The following PATL2 variants were observed in gnomAD, a reference collection of about 807,000 sequenced individuals.
PATL2 encodes protein PAT1 homolog 2.
PATL2 carries 73 observed loss-of-function variants against 77.0 expected under a neutral mutation model. The observed-to-expected ratio is 0.95, with a 90% CI of 0.78 to 1.15. The LOEUF is 1.15. Ranked by LOEUF, PATL2 falls within the 50% of genes most tolerant of loss-of-function variation. The pLI, the probability that PATL2 is intolerant of heterozygous loss-of-function variation, is 0.00. For synonymous variants in PATL2, 265 were observed against 257.1 expected (o/e 1.03, Z -0.29); for missense variants, 618 against 655.4 (o/e 0.94, Z 0.62).
intron 3 of PATL2, among the ~76,000 whole-genome samples, chr15:44,680,741 C>T (rs941758327): frequency 1.3e-4 from 20 of 152,326 alleles, no homozygotes; most frequent in African/African-American, 4.8e-4. Flanking sequence ...TCCATTTCCT[C>T]ACATCATTCC....
rs2085785950 is a variant in PATL2 at position 44,673,345 on chromosome 15, C to T, written c.336G>A (p.Trp112Ter). 2 of 1,551,576 alleles carry T rather than the reference C, an allele frequency of 1.3e-6. No individual in the cohort carries two copies. The highest frequency in any genetic ancestry group is 1.7e-6 in the Non-Finnish European group (2 of 1,146,942). Reference protein sequence around the residue: ...TLDYLSPIPFWPTFPSTSSPA... With the variant: ...TLDYLSPIPF ...GAGAGCTGGTGCTGGGAAATGTAGG[C>T]CAGAAAGGGATGGGCGACAGGTAGT... Residue 112 changes from tryptophan (W) to a stop codon, truncating the protein, a stop_gained, in exon 7 of 18, where the codon TGG (tryptophan) becomes TGA (stop). Transcript: ENST00000682850. LOFTEE classifies it high-confidence loss of function.
intron 4 of PATL2, chr15:44,676,058 T>C (rs2085940780): frequency 3.2e-6 from 1 of 316,318 alleles, no homozygotes; most frequent in Non-Finnish European, 5.9e-6. Context: ...ACCCGGCAGA[T>C]ACCAAACACC....
rs60470113 is a variant in PATL2 at position 44,690,502 on chromosome 15, C to CTT, written c.-75-13939_-75-13938dup. On this transcript the variant is annotated intron_variant, in intron 3 of 17. Transcript: ENST00000682850. Reference sequence around the variant, plus strand: ...CACAGGCACACGCAACCATGCCTGGCTTTTTTTTTTTTTTTGGTATAAACA... The same window carrying CTT: ...CACAGGCACACGCAACCATGCCTGGCTTTTTTTTTTTTTTTTTGGTATAAACA... 3.0e-5 allele frequency among the ~76,000 whole-genome samples: 4 copies of CTT among 132,726 alleles called. No homozygotes were observed. In the East Asian group the frequency reaches 6.4e-4, roughly 21 times the overall value. The allele number at this position is 132,726 out of a possible 152,430, so 87.1% of individuals were successfully genotyped here.
At chr15:44,679,359 T>C (rs1477599067) in intron 3 of PATL2, among the ~76,000 whole-genome samples, 1 of 152,000 alleles carries the variant, frequency 6.6e-6, no homozygotes, top group Non-Finnish European at 1.5e-5. Context: ...GCCTCCTGAA[T>C]AGCTGGGATT....
chr15:44,688,010 G>A (rs2086300396), intron 3 of PATL2, among the ~76,000 whole-genome samples: 1 of 152,036 alleles, frequency 6.6e-6, no homozygotes, highest in Admixed American at 6.6e-5. Flanking sequence ...CACTTTAGGA[G>A]GCCAAGGCAG....
At position 44,686,378 on chromosome 15, in the gene PATL2, G is replaced by A. The variant is rs1010454135; in HGVS notation, c.-75-9813C>T. Among the ~76,000 whole-genome samples the A allele has an allele frequency of 6.6e-5, 10 of 152,238 alleles. No individual in the cohort carries two copies. In the East Asian group the frequency reaches 7.7e-4, roughly 12 times the overall value. ...AAACCAATGAGAACAAAGACACAAC[G>A]TACCAGCATCTCTGGGCCACATTTA... On this transcript the variant is annotated intron_variant, in intron 3 of 17. Coordinates refer to ENST00000682850, the MANE Select transcript of PATL2 (RefSeq NM_001387263.1).
At position 44,676,575 on chromosome 15, in the gene PATL2, G is replaced by A; in HGVS notation, c.-75-10C>T. 1.3e-6 allele frequency: 2 copies of A among 1,547,012 alleles called. No homozygotes were observed. Among genetic ancestry groups the A allele is most frequent in the Non-Finnish European group, 1.7e-6 (2 of 1,143,800 alleles). On this transcript the variant is annotated splice_polypyrimidine_tract_variant and intron_variant, in intron 3 of 17. Transcript: ENST00000682850. ...CCTCTGGAAGGTAAACCTGAGACAA[G>A]AAAGAGGCCAAGAGGCACCATCCTC... is the stretch of plus-strand genomic sequence containing the variant.
At chr15:44,687,501 A>T (rs1200504129) in intron 3 of PATL2, among the ~76,000 whole-genome samples, 2 of 151,770 alleles carry the variant, frequency 1.3e-5, no homozygotes, top group Non-Finnish European at 2.9e-5. Flanking sequence ...CAGCACAAGA[A>T]AAGGATGCCT....
At chr15:44,669,676 C>T in intron 11 of PATL2, 101 bp downstream of exon 11, 4 of 1,510,244 alleles carry the variant, frequency 2.6e-6, no homozygotes, top group Non-Finnish European at 3.6e-6. Flanking sequence ...AGTCTGATCA[C>T]ACTTCTTCCT....
At chr15:44,692,520 C>T (rs1161429862) in intron 3 of PATL2, among the ~76,000 whole-genome samples, 1 of 152,266 alleles carries the variant, frequency 6.6e-6, no homozygotes, top group South Asian at 2.1e-4. Context: ...GGGCTAATTT[C>T]CTGGTATCAT....
rs1415353426 is a variant in PATL2 at position 44,672,458 on chromosome 15, T to C, written c.447-2A>G. The C allele has an allele frequency of 6.4e-7, 1 of 1,551,484 alleles. No individual in the cohort carries two copies. The highest frequency in any genetic ancestry group is 8.7e-7 in the Non-Finnish European group (1 of 1,146,832). The stretch of plus-strand genomic sequence containing the variant: ...CGAGGGTGGAGCTGGGTCAGATGAC[T>C]GGGAAGACAAGAAGTAACGAGCTGG... On this transcript the variant is annotated splice_acceptor_variant, in intron 7 of 17. Coordinates refer to ENST00000682850, the MANE Select transcript of PATL2 (RefSeq NM_001387263.1). LOFTEE classifies it high-confidence loss of function.
intron 3 of PATL2, among the ~76,000 whole-genome samples, chr15:44,686,364 A>T (rs956312287): frequency 1.3e-5 from 2 of 152,256 alleles, no homozygotes; most frequent in Non-Finnish European, 2.9e-5. Flanking sequence ...AACCAATGAG[A>T]ACAAAGACAC....
intron 3 of PATL2, among the ~76,000 whole-genome samples, chr15:44,698,418 C>A (rs1373925911): frequency 6.6e-6 from 1 of 152,036 alleles, no homozygotes; most frequent in Non-Finnish European, 1.5e-5. Flanking sequence ...CCTCTGATAA[C>A]CATTATTCTA....
At chr15:44,682,943 G>A (rs1007554542) in intron 3 of PATL2, among the ~76,000 whole-genome samples, 1 of 152,190 alleles carries the variant, frequency 6.6e-6, no homozygotes, top group Non-Finnish European at 1.5e-5. Context: ...CACGGAGGGT[G>A]AGCCAAAGCA....
chr15:44,690,453 C>T (rs1387437205), intron 3 of PATL2, among the ~76,000 whole-genome samples: 2 of 151,900 alleles, frequency 1.3e-5, no homozygotes, highest in Middle Eastern at 3.4e-3. Flanking sequence ...ATCCTCCCAC[C>T]TCAGCTTCCT....
At chr15:44,684,068 T>C (rs534464741) in intron 3 of PATL2, among the ~76,000 whole-genome samples, 1 of 143,432 alleles carries the variant, frequency 7.0e-6, no homozygotes, top group South Asian at 2.2e-4. Context: ...AAAAAAAAAA[T>C]CCACACAGAA....
intron 14 of PATL2, 94 bp downstream of exon 14, chr15:44,668,886 T>C: frequency 1.4e-6 from 2 of 1,389,678 alleles, no homozygotes; most frequent in South Asian, 1.6e-5. Context: ...CAGCACCTTC[T>C]CTGGCATCTC....
chr15:44,694,203 G>A (rs1338236643), intron 3 of PATL2, among the ~76,000 whole-genome samples: 1 of 152,170 alleles, frequency 6.6e-6, no homozygotes, highest in Non-Finnish European at 1.5e-5. Context: ...GGCTTCCGGG[G>A]ATAGATGGTG....
Position 44,669,074 on chromosome 15 carries a change from A to G in PATL2, c.1130T>C (p.Leu377Pro). ...VRKGKALVAR[L>P]LPFLPQDQAV... is the part of the protein sequence containing the mutation. ...CTGATCCTGGGGCAGGAAGGGGAGC[A>G]GCCGGGCCACCAGGGCCTTCCCCTT... The change falls in exon 14 of 18, where the codon CTG becomes CCG. Residue 377 changes from leucine (L) to proline (P), a missense_variant. Coordinates refer to ENST00000682850, the MANE Select transcript of PATL2 (RefSeq NM_001387263.1). 1 of 1,551,208 alleles carries G rather than the reference A, an allele frequency of 6.4e-7. No homozygotes were observed. The highest frequency in any genetic ancestry group is 8.7e-7 in the Non-Finnish European group (1 of 1,146,732).
Sources: allele counts gnomAD v4.1 joint callset (sites outside exome capture counted in the v4.1 genomes callset), GRCh38; gene constraint gnomAD v4.1.1; transcripts MANE v1.5; gene names NCBI Gene and HGNC (gene_info 2026-07-23, HGNC 2026-07-21).